The following SLC7A9 variants were observed in gnomAD, a reference collection of about 807,000 sequenced individuals.
The protein encoded by SLC7A9 is B(0,+)-type amino acid transporter 1.
SLC7A9 carries 38 observed loss-of-function variants against 54.1 expected under a neutral mutation model. That is an observed-to-expected ratio of 0.70 (90% CI 0.54 to 0.92). The LOEUF (loss-of-function observed/expected upper bound fraction) is 0.92. SLC7A9 is among the 40% of genes least tolerant of loss of function. SLC7A9 has a pLI of 0.00. For missense variants in SLC7A9, 537 were observed against 636.1 expected (o/e 0.84, Z 1.68); for synonymous variants, 264 against 258.9 (o/e 1.02, Z -0.19).
At position 32,835,122 on chromosome 19, in the gene SLC7A9, G is replaced by A. The variant is rs774031097; in HGVS notation, c.1225-1799C>T. ...TTAAACTTTTAATTAATGGATTTTC[G>A]GTCTTCAGCTACCTTTGCATAGGCT... On this transcript the variant is annotated intron_variant, in intron 11 of 12. Transcript: ENST00000023064. Among the ~76,000 whole-genome samples, 6 of 152,052 alleles carry A rather than the reference G, an allele frequency of 3.9e-5. No individual in the cohort carries two copies. In the East Asian group the frequency reaches 7.7e-4, roughly 20 times the overall value.
chr19:32,852,816 C>G (rs8102775), intron 9 of SLC7A9, among the ~76,000 whole-genome samples: 87,644 of 151,656 alleles, frequency 0.58, 25,934 homozygotes, highest in East Asian at 0.83. Context: ...CAAAATAATT[C>G]TAAGTGTATA....
intron 4 of SLC7A9, among the ~76,000 whole-genome samples, 168 bp downstream of exon 4, chr19:32,863,928 G>A (rs561329463): frequency 2.0e-5 from 3 of 152,248 alleles, no homozygotes; most frequent in East Asian, 1.9e-4. Context: ...CAGCCCCCAC[G>A]GGCCTGGGGG....
rs751824636 is a variant in SLC7A9 at position 32,843,971 on chromosome 19, G to A, written c.978-20C>T. 2.8e-5 allele frequency: 44 copies of A among 1,573,210 alleles called. No homozygotes were observed. In the South Asian group the frequency reaches 3.8e-4, roughly 14 times the overall value. On this transcript the variant is annotated intron_variant, in intron 9 of 12. Coordinates refer to ENST00000023064, the MANE Select transcript of SLC7A9 (RefSeq NM_014270.5). ...ATGAGTCTGGAAAATAACGACACGG[G>A]AGTCCGCTGACCAGAGTGCAGACCA...
At position 32,843,889 on chromosome 19, in the gene SLC7A9, C is replaced by G. The variant is rs770400886; in HGVS notation, c.1040G>C (p.Arg347Thr). 1 of 1,613,988 alleles carries G rather than the reference C, an allele frequency of 6.2e-7. No individual in the cohort carries two copies. Among genetic ancestry groups the G allele is most frequent in the Non-Finnish European group, 8.5e-7 (1 of 1,179,994 alleles). Residue 347 changes from arginine (R) to threonine (T), a missense_variant, in exon 10 of 13, where the codon AGG becomes ACG. Physicochemically the swap from Arg to Thr is moderately conservative, Grantham distance 71. Coordinates refer to ENST00000023064, the MANE Select transcript of SLC7A9 (RefSeq NM_014270.5). Reference sequence around the variant, plus strand: ...GATGGCGGGGGCTGGAGTGAGGCGCCTGACGCTGATGTAAGAAAGCACTTT... The same window carrying G: ...GATGGCGGGGGCTGGAGTGAGGCGCGTGACGCTGATGTAAGAAAGCACTTT... ...MLKVLSYISV[R>T]RLTPAPAIIF...
intron 9 of SLC7A9, among the ~76,000 whole-genome samples, chr19:32,854,053 G>C (rs2145829814): frequency 6.6e-6 from 1 of 151,160 alleles, no homozygotes; most frequent in South Asian, 2.1e-4. Context: ...TGTCTCCCAG[G>C]CTGGAGTGCA....
intron 12 of SLC7A9, chr19:32,831,259 T>G (rs1568508138): frequency 1.3e-5 from 2 of 156,884 alleles, no homozygotes; most frequent in Admixed American, 1.2e-4. Flanking sequence ...TTGTAAAGGA[T>G]AAAACATTGT....
At position 32,868,230 on chromosome 19, in the gene SLC7A9, C is replaced by CAA. The variant is rs57317909; in HGVS notation, c.87+216_87+217dup. On this transcript the variant is annotated intron_variant, in intron 2 of 12. Coordinates refer to ENST00000023064, the MANE Select transcript of SLC7A9 (RefSeq NM_014270.5). ...TGGGTGACAGAGCAACACTCCATCT[C>CAA]AAAAAAAAAAAAAAAAAAAAGAAGA... is the stretch of plus-strand genomic sequence containing the variant. Among the ~76,000 whole-genome samples the CAA allele has an allele frequency of 5.5e-3, 488 of 88,270 alleles. 6 individuals carry two copies. Among genetic ancestry groups the CAA allele is most frequent in the Non-Finnish European group, 8.9e-3 (383 of 42,928 alleles). 57.9% of individuals were successfully genotyped at this position (88,270 alleles called of 152,430 possible).
chr19:32,833,658 C>T (rs1967872598), intron 11 of SLC7A9, among the ~76,000 whole-genome samples: 2 of 151,992 alleles, frequency 1.3e-5, no homozygotes, highest in Admixed American at 6.6e-5. Context: ...GTTAGCTGGG[C>T]GTGGTGGCAG....
chr19:32,843,374 T>C (rs1455995968), intron 10 of SLC7A9, among the ~76,000 whole-genome samples: 3 of 151,984 alleles, frequency 2.0e-5, no homozygotes, highest in African/African-American at 4.8e-5. Flanking sequence ...GGAGAATCAT[T>C]TGAACCTGGG....
Position 32,862,130 on chromosome 19 carries a change from GC to G in SLC7A9, c.691del (p.Ala231ProfsTer33), listed in dbSNP as rs758162327. 8 of 1,610,578 alleles carry G rather than the reference GC, an allele frequency of 5.0e-6. No homozygotes were observed. On this transcript the variant is annotated frameshift_variant, in exon 6 of 13. Transcript: ENST00000023064. LOFTEE classifies it high-confidence loss of function. The stretch of plus-strand genomic sequence containing the variant: ...CAGGACACCTCACCATCCATCATAG[GC>G]CCAGAGTCCATTGTAAAACGCCAGG... ...ISLAFYNGLW[A>X]YDGWNQLNYI...
At chr19:32,869,253 G>T (rs184169764) in intron 1 of SLC7A9, among the ~76,000 whole-genome samples, 294 of 151,996 alleles carry the variant, frequency 1.9e-3, no homozygotes, top group African/African-American at 6.7e-3. Context: ...ATTAAAAAAT[G>T]AAAATATTGT....
intron 9 of SLC7A9, among the ~76,000 whole-genome samples, chr19:32,853,676 G>A (rs1968532881): frequency 6.6e-6 from 1 of 152,064 alleles, no homozygotes; most frequent in Non-Finnish European, 1.5e-5. Context: ...CAACACTTTG[G>A]GAGGCTGAGG....
intron 3 of SLC7A9, 88 bp from the exon 4 acceptor site, chr19:32,864,426 C>T (rs1168546832): frequency 1.4e-5 from 22 of 1,584,614 alleles, no homozygotes; most frequent in South Asian, 1.3e-4. Flanking sequence ...AGGCTGCGCT[C>T]GTATGGAGGG....
chr19:32,846,935 T>C (rs1968316063), intron 9 of SLC7A9, among the ~76,000 whole-genome samples: 1 of 152,060 alleles, frequency 6.6e-6, no homozygotes, highest in African/African-American at 2.4e-5. Context: ...GGGTCTGGAG[T>C]AGACCTCTAG....
At chr19:32,840,885 G>C (rs536768787) in intron 11 of SLC7A9, among the ~76,000 whole-genome samples, 2 of 152,196 alleles carry the variant, frequency 1.3e-5, no homozygotes, top group African/African-American at 4.8e-5. Flanking sequence ...TCTGGAGTTG[G>C]TGGTAAGACT....
chr19:32,843,066 G>A (rs1968174818), intron 10 of SLC7A9, among the ~76,000 whole-genome samples: 2 of 152,024 alleles, frequency 1.3e-5, no homozygotes, highest in Non-Finnish European at 2.9e-5. Flanking sequence ...AAGGAGTGTA[G>A]ACCACCCCTG....
chr19:32,860,069 G>A lies in SLC7A9; in HGVS notation c.750-105C>T, dbSNP rs868043312. On this transcript the variant is annotated intron_variant, in intron 7 of 12. Transcript: ENST00000023064. ...CCAGGGAGAAGATTCGCAGGTAGCA[G>A]AGGCCCAGCAGGAACATAAGACATT... 4 of 1,601,226 alleles carry A rather than the reference G, an allele frequency of 2.5e-6. No individual in the cohort carries two copies. In the African/African-American group the frequency reaches 4.0e-5, roughly 16 times the overall value.
rs139289662 is a variant in SLC7A9 at position 32,866,083 on chromosome 19, C to A, written c.88-1307G>T. ...TCCTCAGAAGCAGCCCCGGCCAGATCTCCAGAGCCTGAAGTTTCCAGCACC... is the reference window on the plus strand; with the variant it reads ...TCCTCAGAAGCAGCCCCGGCCAGATATCCAGAGCCTGAAGTTTCCAGCACC... On this transcript the variant is annotated intron_variant, in intron 2 of 12. Coordinates refer to ENST00000023064, the MANE Select transcript of SLC7A9 (RefSeq NM_014270.5). 3.0e-3 allele frequency among the ~76,000 whole-genome samples: 463 copies of A among 152,298 alleles called. 6 individuals carry two copies. Among genetic ancestry groups the A allele is most frequent in the African/African-American group, 0.01 (428 of 41,562 alleles).
intron 9 of SLC7A9, among the ~76,000 whole-genome samples, chr19:32,848,847 GTGCAATCA>G (rs1410805567): frequency 6.6e-6 from 1 of 152,168 alleles, no homozygotes; most frequent in Non-Finnish European, 1.5e-5. Context: ...TCAGACCACA[GTGCAATCA>G]AACTAGAACT....
Sources: gnomAD v4.1 joint callset for allele counts (sites outside exome capture counted in the v4.1 genomes callset) on GRCh38, gnomAD v4.1.1 for gene constraint, MANE v1.5 for transcripts, NCBI Gene and HGNC (gene_info 2026-07-23, HGNC 2026-07-21) for gene names.